PPIB: variants seen among roughly 807,000 people sequenced by gnomAD.
PPIB encodes peptidyl-prolyl cis-trans isomerase B.
Under a neutral mutation model 20.1 loss-of-function variants are expected in PPIB, and 15 were observed. The observed-to-expected ratio is 0.75, with a 90% CI of 0.50 to 1.15. PPIB has a LOEUF of 1.15. Ranked by LOEUF, PPIB falls within the 50% of genes most tolerant of loss-of-function variation. PPIB has a pLI of 0.00. For missense variants in PPIB, 278 were observed against 283.0 expected (o/e 0.98, Z 0.13); for synonymous variants, 129 against 111.0 (o/e 1.16, Z -1.02).
Position 64,157,216 on chromosome 15 carries a change from G to A in PPIB, c.344-307C>T. 1 of 421,540 alleles carries A rather than the reference G, an allele frequency of 2.4e-6. No individual in the cohort carries two copies. Among genetic ancestry groups the A allele is most frequent in the Non-Finnish European group, 4.4e-6 (1 of 228,358 alleles). 26.1% of individuals were successfully genotyped at this position (421,540 alleles called of 1,614,324 possible). ...TCAGCTCCCCTTAGCTATGGCCCAG[G>A]CCTGCCACGGAGGGACTTTGGTGGA... On this transcript the variant is annotated intron_variant, in intron 3 of 4. Transcript: ENST00000300026. The surrounding 1 kb of genome is among the most constrained non-coding windows in gnomAD (Gnocchi z 4.2).
rs1429932364 is a variant in PPIB, at chr15:64,155,820, T to C, written c.*203A>G. ...AGAACCAGGCCCACACATTATATAT[T>C]AAAAAAAAAAAAACCCACATTTTTT... On this transcript the variant is annotated 3_prime_UTR_variant, in exon 5 of 5. Transcript: ENST00000300026. 2 of 489,772 alleles carry C rather than the reference T, an allele frequency of 4.1e-6. No individual in the cohort carries two copies. The highest frequency in any genetic ancestry group is 4.1e-5 in the African/African-American group (2 of 48,556). The allele number at this position is 489,772 out of a possible 1,614,324, so 30.3% of individuals were successfully genotyped here. A position where few individuals can be genotyped will look rare whatever the true frequency, so the allele number is the denominator to read the frequency against.
In PPIB at chr15:64,158,298, T is replaced by C. The variant is rs891870617; in HGVS notation, c.344-1389A>G. Among the ~76,000 whole-genome samples the C allele has an allele frequency of 7.9e-5, 12 of 152,282 alleles. No individual in the cohort carries two copies. Among genetic ancestry groups the C allele is most frequent in the Middle Eastern group, 3.4e-3 (1 of 294 alleles). On this transcript the variant is annotated intron_variant, in intron 3 of 4. Coordinates refer to ENST00000300026, the MANE Select transcript of PPIB (RefSeq NM_000942.5). The surrounding 1 kb of genome is among the most constrained non-coding windows in gnomAD (Gnocchi z 4.7). ...GGTGCTCATAGTGTGAGCCAGAGAC[T>C]GTTCCAAGCATCTTACATATTTAAC...
chr15:64,161,168 G>A lies in PPIB; in HGVS notation c.249+873C>T, dbSNP rs1408165732. Among the ~76,000 whole-genome samples, 3 of 147,720 alleles carry A rather than the reference G, an allele frequency of 2.0e-5. No homozygotes were observed. Among genetic ancestry groups the A allele is most frequent in the African/African-American group, 7.5e-5 (3 of 39,740 alleles). The stretch of plus-strand genomic sequence containing the variant: ...GTAGAGACAGGATTTCGCCATGTTG[G>A]CCAGGCTGGTCTCGAACTCCTGACC... On this transcript the variant is annotated intron_variant, in intron 2 of 4. Coordinates refer to ENST00000300026, the MANE Select transcript of PPIB (RefSeq NM_000942.5). This position sits in a 1 kb window ranked among gnomAD's most constrained non-coding sequence, Gnocchi z 4.2.
chr15:64,156,920 A>C lies in PPIB; in HGVS notation c.344-11T>G, dbSNP rs535376686. 3 of 1,613,952 alleles carry C rather than the reference A, an allele frequency of 1.9e-6. No homozygotes were observed. In the East Asian group the frequency reaches 6.7e-5, roughly 36 times the overall value. On this transcript the variant is annotated splice_polypyrimidine_tract_variant and intron_variant, in intron 3 of 4. Transcript: ENST00000300026. This position sits in a 1 kb window ranked among gnomAD's most constrained non-coding sequence, Gnocchi z 6.4. ...CGTAGATGCTCTTTCCTGGGAAAAA[A>C]GACAGAGCAGGTCAGGGGCGCTGGA... is the stretch of plus-strand genomic sequence containing the variant.
In PPIB at chr15:64,160,033, C is replaced by T; in HGVS notation, c.343+71G>A. On this transcript the variant is annotated intron_variant, in intron 3 of 4. Coordinates refer to ENST00000300026, the MANE Select transcript of PPIB (RefSeq NM_000942.5). The surrounding 1 kb of genome is among the most constrained non-coding windows in gnomAD (Gnocchi z 4.8). ...GGGGAAGAAAGAGGCCTGGTCTCCC[C>T]AGCAGAACCTGGCCCTCCCACTGTG... The T allele has an allele frequency of 7.4e-7, 1 of 1,348,288 alleles. No individual in the cohort carries two copies. The highest frequency in any genetic ancestry group is 1.1e-6 in the Non-Finnish European group (1 of 938,786). 83.5% of individuals were successfully genotyped at this position (1,348,288 alleles called of 1,614,324 possible). A position where few individuals can be genotyped will look rare whatever the true frequency, so the allele number is the denominator to read the frequency against.
rs2081539607 is a variant in PPIB, at chr15:64,157,198, C to T, written c.344-289G>A. The T allele has an allele frequency of 4.2e-6, 2 of 472,184 alleles. No individual in the cohort carries two copies. The highest frequency in any genetic ancestry group is 2.3e-5 in the South Asian group (1 of 42,814). 29.2% of individuals were successfully genotyped at this position (472,184 alleles called of 1,614,324 possible). A position where few individuals can be genotyped will look rare whatever the true frequency, so the allele number is the denominator to read the frequency against. ...TAAATAAGGCGCATGTTATCAGCTCCCCTTAGCTATGGCCCAGGCCTGCCA... is the reference window on the plus strand; with the variant it reads ...TAAATAAGGCGCATGTTATCAGCTCTCCTTAGCTATGGCCCAGGCCTGCCA... On this transcript the variant is annotated intron_variant, in intron 3 of 4. Coordinates refer to ENST00000300026, the MANE Select transcript of PPIB (RefSeq NM_000942.5). The surrounding 1 kb of genome is among the most constrained non-coding windows in gnomAD (Gnocchi z 4.2).
In PPIB at chr15:64,159,521, C is replaced by T. The variant is rs1268241145; in HGVS notation, c.343+583G>A. 1 of 159,382 alleles carries T rather than the reference C, an allele frequency of 6.3e-6. No individual in the cohort carries two copies. Among genetic ancestry groups the T allele is most frequent in the African/African-American group, 2.4e-5 (1 of 41,486 alleles). The allele number at this position is 159,382 out of a possible 1,614,324, so 9.9% of individuals were successfully genotyped here. A position where few individuals can be genotyped will look rare whatever the true frequency, so the allele number is the denominator to read the frequency against. ...GTTCAAGCAATTCTCCTGCCTCAGC[C>T]TCCCAAGTAACTGGGATTATAGGCG... is the stretch of plus-strand genomic sequence containing the variant. On this transcript the variant is annotated intron_variant, in intron 3 of 4. Coordinates refer to ENST00000300026, the MANE Select transcript of PPIB (RefSeq NM_000942.5). The surrounding 1 kb of genome is among the most constrained non-coding windows in gnomAD (Gnocchi z 5.1).
In PPIB at chr15:64,162,029, C is replaced by T. The variant is rs202059751; in HGVS notation, c.249+12G>A. 4.0e-4 allele frequency: 629 copies of T among 1,590,234 alleles called. 1 individual carries two copies. Among genetic ancestry groups the T allele is most frequent in the Middle Eastern group, 3.3e-3 (20 of 6,024 alleles). Reference sequence around the variant, plus strand: ...TTCATGTGAGTTGACTACCCCTGCTCCAGCCACTTACCTCTCCTGTAGCTA... The same window carrying T: ...TTCATGTGAGTTGACTACCCCTGCTTCAGCCACTTACCTCTCCTGTAGCTA... On this transcript the variant is annotated intron_variant, in intron 2 of 4. Coordinates refer to ENST00000300026, the MANE Select transcript of PPIB (RefSeq NM_000942.5).
chr15:64,156,505 C>T lies in PPIB; in HGVS notation c.528+220G>A. ...GTGAAGGAGGGGAGGGAGGCTCTGG[C>T]AGTTGTGCAGCCTTCCTGGCTGGGC... On this transcript the variant is annotated intron_variant, in intron 4 of 4. Transcript: ENST00000300026. The surrounding 1 kb of genome is among the most constrained non-coding windows in gnomAD (Gnocchi z 6.4). 1 of 655,046 alleles carries T rather than the reference C, an allele frequency of 1.5e-6. No homozygotes were observed. The allele number at this position is 655,046 out of a possible 1,614,324, so 40.6% of individuals were successfully genotyped here. A position where few individuals can be genotyped will look rare whatever the true frequency, so the allele number is the denominator to read the frequency against.
At chr15:64,162,273 G>A (rs1274290415) in intron 1 of PPIB, 119 bp from the exon 2 acceptor site, 7 of 794,104 alleles carry the variant, frequency 8.8e-6, no homozygotes, top group Non-Finnish European at 1.6e-5. Flanking sequence ...TTAGAGAAGT[G>A]GTTCTGAATC....
Position 64,156,647 on chromosome 15 carries a change from A to G in PPIB, c.528+78T>C. ...GTCCTTTTGGGAAAGGGATGGACAC[A>G]TGGAGCTCCTGCCCTGGGGTCTGTG... On this transcript the variant is annotated intron_variant, in intron 4 of 4. Transcript: ENST00000300026. This position sits in a 1 kb window ranked among gnomAD's most constrained non-coding sequence, Gnocchi z 6.4. The G allele has an allele frequency of 6.4e-7, 1 of 1,556,562 alleles. No homozygotes were observed. Among genetic ancestry groups the G allele is most frequent in the Admixed American group, 1.7e-5 (1 of 59,948 alleles).
chr15:64,156,218 G>A lies in PPIB; in HGVS notation c.529-73C>T, dbSNP rs191357754. The A allele has an allele frequency of 3.8e-5, 60 of 1,585,860 alleles. No individual in the cohort carries two copies. In the African/African-American group the frequency reaches 4.3e-4, roughly 11 times the overall value. ...CACCGCTCAGGAGAAAGGCCCCAGC[G>A]TATGGCTCAGGAGGGCTAAGACCCA... On this transcript the variant is annotated intron_variant, in intron 4 of 4. Coordinates refer to ENST00000300026, the MANE Select transcript of PPIB (RefSeq NM_000942.5). This position sits in a 1 kb window ranked among gnomAD's most constrained non-coding sequence, Gnocchi z 6.4.
Position 64,157,924 on chromosome 15 carries a change from C to CAT in PPIB, c.344-1016_344-1015insAT, listed in dbSNP as rs1331548625. On this transcript the variant is annotated intron_variant, in intron 3 of 4. Transcript: ENST00000300026. This position sits in a 1 kb window ranked among gnomAD's most constrained non-coding sequence, Gnocchi z 4.2. ...GCCTGTGCTCCACCTCTCACCCCCA[C>CAT]GCTGGGGAGACTGGACTCTGCCACA... Among the ~76,000 whole-genome samples the CAT allele has an allele frequency of 6.6e-6, 1 of 152,142 alleles. No homozygotes were observed. The highest frequency in any genetic ancestry group is 2.4e-5 in the African/African-American group (1 of 41,424).
chr15:64,155,848 T>A lies in PPIB; in HGVS notation c.*175A>T, dbSNP rs1359805012. On this transcript the variant is annotated 3_prime_UTR_variant, in exon 5 of 5. Coordinates refer to ENST00000300026, the MANE Select transcript of PPIB (RefSeq NM_000942.5). ...AAAAAAAAAAACCCACATTTTTTTTTATTGGTCAGTGTTGGTAGGAGTTTG... is the reference window on the plus strand; with the variant it reads ...AAAAAAAAAAACCCACATTTTTTTTAATTGGTCAGTGTTGGTAGGAGTTTG... 1.1e-6 allele frequency: 1 copy of A among 904,024 alleles called. No individual in the cohort carries two copies. Among genetic ancestry groups the A allele is most frequent in the East Asian group, 2.6e-5 (1 of 38,544 alleles). The allele number at this position is 904,024 out of a possible 1,614,324, so 56.0% of individuals were successfully genotyped here.
chr15:64,155,820 T>TAAA lies in PPIB; in HGVS notation c.*200_*202dup, dbSNP rs5813282. 2,365 of 529,094 alleles carry TAAA rather than the reference T, an allele frequency of 4.5e-3. 3 individuals carry two copies. The highest frequency in any genetic ancestry group is 6.8e-3 in the South Asian group (321 of 47,166). The allele number at this position is 529,094 out of a possible 1,614,324, so 32.8% of individuals were successfully genotyped here. ...AGAACCAGGCCCACACATTATATATTAAAAAAAAAAAAACCCACATTTTTT... is the reference window on the plus strand; with the variant it reads ...AGAACCAGGCCCACACATTATATATTAAAAAAAAAAAAAAAACCCACATTTTTT... On this transcript the variant is annotated 3_prime_UTR_variant, in exon 5 of 5. Transcript: ENST00000300026.
chr15:64,158,125 C>T lies in PPIB; in HGVS notation c.344-1216G>A, dbSNP rs2081545774. On this transcript the variant is annotated intron_variant, in intron 3 of 4. Coordinates refer to ENST00000300026, the MANE Select transcript of PPIB (RefSeq NM_000942.5). The surrounding 1 kb of genome is among the most constrained non-coding windows in gnomAD (Gnocchi z 4.7). ...AATGGACATTTCTATTTAAACTCAA[C>T]ATACCTTGTCATCTTTCTCTCCAGA... is the stretch of plus-strand genomic sequence containing the variant. Among the ~76,000 whole-genome samples, 1 of 152,238 alleles carries T rather than the reference C, an allele frequency of 6.6e-6. No individual in the cohort carries two copies. Among genetic ancestry groups the T allele is most frequent in the Admixed American group, 6.5e-5 (1 of 15,282 alleles).
In PPIB at chr15:64,155,903, ATG is replaced by A. The variant is rs2081526148; in HGVS notation, c.*118_*119del. Reference sequence around the variant, plus strand: ...AAAAGTGAGTCCATGGGCCTGTGGAATGTGAGGGGAGTGGGTCCGCTCCACCA... The same window carrying A: ...AAAAGTGAGTCCATGGGCCTGTGGAATGAGGGGAGTGGGTCCGCTCCACCA... On this transcript the variant is annotated 3_prime_UTR_variant, in exon 5 of 5. Transcript: ENST00000300026. 6.8e-7 allele frequency: 1 copy of A among 1,459,994 alleles called. No homozygotes were observed. The highest frequency in any genetic ancestry group is 9.5e-7 in the Non-Finnish European group (1 of 1,049,656). 90.4% of individuals were successfully genotyped at this position (1,459,994 alleles called of 1,614,324 possible). A position where few individuals can be genotyped will look rare whatever the true frequency, so the allele number is the denominator to read the frequency against.
At position 64,156,622 on chromosome 15, in the gene PPIB, G is replaced by T; in HGVS notation, c.528+103C>A. ...GCACTGGGCTGCATCTGTGGGTTGG[G>T]TCCTTTTGGGAAAGGGATGGACACA... On this transcript the variant is annotated intron_variant, in intron 4 of 4. Transcript: ENST00000300026. The surrounding 1 kb of genome is among the most constrained non-coding windows in gnomAD (Gnocchi z 6.4). 1 of 1,398,566 alleles carries T rather than the reference G, an allele frequency of 7.2e-7. No individual in the cohort carries two copies. Among genetic ancestry groups the T allele is most frequent in the Non-Finnish European group, 1.0e-6 (1 of 984,366 alleles). 86.6% of individuals were successfully genotyped at this position (1,398,566 alleles called of 1,614,324 possible).
Position 64,162,971 on chromosome 15 carries a change from C to G in PPIB, c.16G>C (p.Glu6Gln). ...GCAAGGAGCACCTTCATGTTGCGTT[C>G]GGAGAGGCGCAGCATCCACAGGCGG... is the stretch of plus-strand genomic sequence containing the variant. The part of the protein sequence containing the change: MLRLS[E>Q]RNMKVLLAAA... Residue 6 changes from glutamate (E) to glutamine (Q), a missense_variant, in exon 1 of 5, where the codon GAA becomes CAA. Glu to Gln is a conservative substitution (Grantham distance 29, BLOSUM62 2). Transcript: ENST00000300026. 3 of 1,612,032 alleles carry G rather than the reference C, an allele frequency of 1.9e-6. No individual in the cohort carries two copies. Among genetic ancestry groups the G allele is most frequent in the Non-Finnish European group, 2.5e-6 (3 of 1,179,068 alleles).
Sources: gnomAD v4.1 joint callset for allele counts (sites outside exome capture counted in the v4.1 genomes callset) on GRCh38, gnomAD v4.1.1 for gene constraint, Gnocchi (gnomAD v3.1) non-coding constraint, MANE v1.5 for transcripts, NCBI Gene and HGNC (gene_info 2026-07-23, HGNC 2026-07-21) for gene names.